NELL1: variants seen among roughly 807,000 people sequenced by gnomAD.
NELL1 encodes the protein neural EGFL like 1.
A neutral mutation model predicts 107.4 loss-of-function variants in NELL1; 76 were observed. The observed-to-expected ratio is 0.71, with a 90% CI of 0.59 to 0.86. NELL1 has a LOEUF of 0.86. Ranked by LOEUF, NELL1 falls within the 40% of genes least tolerant of loss-of-function variation. The pLI is 0.00. For missense variants in NELL1, 1,024 were observed against 1,005.5 expected, an observed-to-expected ratio of 1.02 and a Z score of -0.25; for synonymous variants, 353 against 341.2, an observed-to-expected ratio of 1.03 and a Z score of -0.38.
chr11:20,805,662 C>G (rs558614655), intron 3 of NELL1, among the ~76,000 whole-genome samples: 1 of 152,220 alleles, frequency 6.6e-6, no homozygotes, highest in Non-Finnish European at 1.5e-5. Context: ...ACCACCATGC[C>G]CAGCTAATTT....
At chr11:20,806,296 GT>G in intron 3 of NELL1, among the ~76,000 whole-genome samples, 1 of 150,702 alleles carries the variant, frequency 6.6e-6, no homozygotes, top group Non-Finnish European at 1.5e-5. Context: ...TTGTGTTTGT[GT>G]TTGCCAGATA....
At chr11:20,857,503 G>A (rs1380517351) in intron 4 of NELL1, among the ~76,000 whole-genome samples, 2 of 152,344 alleles carry the variant, frequency 1.3e-5, no homozygotes, top group Non-Finnish European at 2.9e-5. Context: ...CAGTGGTGCT[G>A]CTTTGATGAT....
intron 13 of NELL1, among the ~76,000 whole-genome samples, chr11:21,119,701 T>A (rs148060013): frequency 6.6e-6 from 1 of 152,098 alleles, no homozygotes; most frequent in African/African-American, 2.4e-5. Context: ...GCTCTTGCTC[T>A]TTTATGAATT....
At chr11:21,515,816 A>G (rs1855547774) in intron 15 of NELL1, among the ~76,000 whole-genome samples, 1 of 152,182 alleles carries the variant, frequency 6.6e-6, no homozygotes. Context: ...AGAGATTGCA[A>G]GGAGGAAGTT....
chr11:20,755,544 T>C (rs1189263290), intron 2 of NELL1, among the ~76,000 whole-genome samples: 1 of 41,504 alleles, frequency 2.4e-5, no homozygotes, highest in East Asian at 1.2e-3. Flanking sequence ...GTTTTTGTTT[T>C]TTTTTGTTTT....
At chr11:21,337,533 A>G (rs933502184) in intron 14 of NELL1, among the ~76,000 whole-genome samples, 9 of 152,230 alleles carry the variant, frequency 5.9e-5, no homozygotes, top group African/African-American at 2.2e-4. Context: ...GAGCTCTTAC[A>G]TGGCCCCTGT....
intron 13 of NELL1, among the ~76,000 whole-genome samples, chr11:21,195,059 G>A (rs1479164791): frequency 2.0e-5 from 3 of 152,096 alleles, no homozygotes; most frequent in Non-Finnish European, 4.4e-5. Context: ...GGAAACTAAT[G>A]TCTCTGAGCT....
At chr11:21,027,368 A>G (rs1400803932) in intron 12 of NELL1, among the ~76,000 whole-genome samples, 2 of 151,828 alleles carry the variant, frequency 1.3e-5, no homozygotes, top group African/African-American at 2.4e-5. Flanking sequence ...CTGGTTTTCT[A>G]TCTAGTTTTT....
At chr11:21,035,901 A>G (rs779998505) in intron 12 of NELL1, among the ~76,000 whole-genome samples, 1 of 152,150 alleles carries the variant, frequency 6.6e-6, no homozygotes, top group Non-Finnish European at 1.5e-5. Context: ...CAGGCAAGAG[A>G]AAGATATAAA....
chr11:20,956,999 A>C (rs1194670556), intron 11 of NELL1, among the ~76,000 whole-genome samples: 6 of 152,178 alleles, frequency 3.9e-5, no homozygotes. Context: ...GAGAAAAAAA[A>C]CAACTGGAGA....
chr11:21,524,613 T>G (rs910975396), intron 15 of NELL1, among the ~76,000 whole-genome samples: 2 of 149,934 alleles, frequency 1.3e-5, no homozygotes, highest in Non-Finnish European at 3.0e-5. Context: ...CTCGAGAGAG[T>G]GCAAAGGTTT....
intron 12 of NELL1, among the ~76,000 whole-genome samples, chr11:21,067,335 A>C (rs1853900088): frequency 6.6e-6 from 1 of 152,072 alleles, no homozygotes; most frequent in Admixed American, 6.5e-5. Context: ...TGGGAGAGTT[A>C]AAACCTTCTA....
chr11:21,148,750 T>A (rs1856043541), intron 13 of NELL1, among the ~76,000 whole-genome samples: 1 of 152,236 alleles, frequency 6.6e-6, no homozygotes, highest in East Asian at 1.9e-4. Flanking sequence ...ATTTTCTTTC[T>A]GCCGAGAAAT....
chr11:21,444,136 A>T (rs146244659), intron 15 of NELL1, among the ~76,000 whole-genome samples: 1 of 152,156 alleles, frequency 6.6e-6, no homozygotes, highest in Non-Finnish European at 1.5e-5. Flanking sequence ...TACTCTAAAG[A>T]GTTTTAACAT....
In NELL1 at chr11:21,020,242, A is replaced by G. The variant is rs538223888; in HGVS notation, c.1300+59682A>G. On this transcript the variant is annotated intron_variant, in intron 12 of 19. Transcript: ENST00000357134. ...ATTGACTATACTTCAGAACAATAGCATACCAACACAACATTATTGTGTGGT... is the reference window on the plus strand; with the variant it reads ...ATTGACTATACTTCAGAACAATAGCGTACCAACACAACATTATTGTGTGGT... Among the ~76,000 whole-genome samples the G allele has an allele frequency of 3.9e-5, 6 of 152,284 alleles. No homozygotes were observed. In the East Asian group the frequency reaches 9.7e-4, roughly 25 times the overall value.
chr11:21,472,367 T>C (rs967315301), intron 15 of NELL1, among the ~76,000 whole-genome samples: 5 of 152,012 alleles, frequency 3.3e-5, no homozygotes, highest in African/African-American at 7.2e-5. Context: ...ACCTGAGTTG[T>C]TGAACTTTAA....
chr11:21,183,362 A>G (rs12791400), intron 13 of NELL1, among the ~76,000 whole-genome samples: 40,739 of 151,718 alleles, frequency 0.27, 6,099 homozygotes, highest in South Asian at 0.38. Context: ...TTAAATGTAG[A>G]TTTTCTTTTA....
At chr11:21,136,287 T>G (rs1855742682) in intron 13 of NELL1, among the ~76,000 whole-genome samples, 1 of 152,020 alleles carries the variant, frequency 6.6e-6, no homozygotes, top group Admixed American at 6.6e-5. Context: ...ATGCCTGTTG[T>G]GAGGGGGGTG....
chr11:20,987,083 G>C (rs1221980183), intron 12 of NELL1, among the ~76,000 whole-genome samples: 3 of 152,056 alleles, frequency 2.0e-5, no homozygotes, highest in African/African-American at 7.2e-5. Flanking sequence ...AATCAAAATG[G>C]CTTTTTTTAA....
Sources: gnomAD v4.1 joint callset for allele counts (sites outside exome capture counted in the v4.1 genomes callset) on GRCh38, gnomAD v4.1.1 for gene constraint, MANE v1.5 for transcripts, NCBI Gene and HGNC (gene_info 2026-07-23, HGNC 2026-07-21) for gene names.